The following WDPCP variants were observed in gnomAD, a reference collection of about 807,000 sequenced individuals.
The protein encoded by WDPCP is WD repeat containing planar cell polarity effector.
WDPCP carries 71 observed loss-of-function variants against 93.1 expected under a neutral mutation model. The ratio of observed to expected loss-of-function variants is 0.76; its 90% CI spans 0.63 to 0.93. The LOEUF is 0.93. WDPCP is among the 40% of genes least tolerant of loss of function. WDPCP has a pLI of 0.00. For missense variants in WDPCP, 844 were observed against 887.4 expected (o/e 0.95, Z 0.62); for synonymous variants, 315 against 315.0 (o/e 1.00, Z 0.00).
At chr2:63,825,303 T>G (rs956873393) in intron 1 of WDPCP, among the ~76,000 whole-genome samples, 1 of 152,142 alleles carries the variant, frequency 6.6e-6, no homozygotes, top group Non-Finnish European at 1.5e-5. Flanking sequence ...GGCTCTTATC[T>G]TCTGACTTAG....
chr2:63,346,021 C>A lies in WDPCP; in HGVS notation c.1748+32365G>T, dbSNP rs567168028. Among the ~76,000 whole-genome samples, 6 of 152,202 alleles carry A rather than the reference C, an allele frequency of 3.9e-5. No homozygotes were observed. The South Asian group carries it at 1.2e-3, about 32-fold the overall frequency. On this transcript the variant is annotated intron_variant, in intron 12 of 17. Coordinates refer to ENST00000272321, the MANE Select transcript of WDPCP (RefSeq NM_015910.7). ...CCAGCAAAAATAGGGGAGCACCTCT[C>A]GGATTGGATTAAGAGGATGCTTGAA...
intron 9 of WDPCP, among the ~76,000 whole-genome samples, chr2:63,429,254 T>C (rs1352008784): frequency 6.6e-6 from 1 of 152,110 alleles, no homozygotes; most frequent in East Asian, 1.9e-4. Flanking sequence ...CAAGGAAACC[T>C]AGGAAACACC....
intron 3 of WDPCP, among the ~76,000 whole-genome samples, chr2:63,633,712 A>G (rs539601837): frequency 1.3e-5 from 2 of 152,318 alleles, no homozygotes; most frequent in African/African-American, 4.8e-5. Context: ...CCAGAAAACA[A>G]TTAACAAGAT....
chr2:63,733,642 A>C (rs945520861), intron 2 of WDPCP, among the ~76,000 whole-genome samples: 3 of 152,216 alleles, frequency 2.0e-5, no homozygotes, highest in Non-Finnish European at 4.4e-5. Flanking sequence ...TGTGTTGAAG[A>C]CTGGGATTGC....
intron 17 of WDPCP, among the ~76,000 whole-genome samples, chr2:63,134,077 CGTT>C (rs1469900615): frequency 6.6e-6 from 1 of 152,100 alleles, no homozygotes; most frequent in Non-Finnish European, 1.5e-5. Context: ...GTTTTCTAAT[CGTT>C]GTTTCCTCTG....
At chr2:63,320,891 T>A (rs748738969) in intron 12 of WDPCP, among the ~76,000 whole-genome samples, 5 of 152,102 alleles carry the variant, frequency 3.3e-5, no homozygotes, top group Non-Finnish European at 5.9e-5. Context: ...AGACAAAGAC[T>A]GTCATAAAAG....
chr2:63,699,571 C>T (rs1450266109), intron 2 of WDPCP, among the ~76,000 whole-genome samples: 1 of 152,048 alleles, frequency 6.6e-6, no homozygotes, highest in African/African-American at 2.4e-5. Context: ...CTGATTTTGA[C>T]AGGGAGATAT....
chr2:63,213,416 T>G (rs1341208791), intron 14 of WDPCP, among the ~76,000 whole-genome samples: 1 of 152,214 alleles, frequency 6.6e-6, no homozygotes, highest in African/African-American at 2.4e-5. Context: ...AGATGTTCTT[T>G]GAAACCAATG....
chr2:63,491,206 T>C (rs1325624920), intron 2 of WDPCP, among the ~76,000 whole-genome samples: 2 of 152,208 alleles, frequency 1.3e-5, no homozygotes, highest in Non-Finnish European at 2.9e-5. Context: ...GTCTCTGTTG[T>C]ACTTTTTTCC....
At chr2:63,328,141 A>G (rs975267459) in intron 12 of WDPCP, among the ~76,000 whole-genome samples, 1 of 152,150 alleles carries the variant, frequency 6.6e-6, no homozygotes, top group African/African-American at 2.4e-5. Flanking sequence ...TGCACCAACC[A>G]GCACTCTGTG....
chr2:63,135,416 C>T (rs1215682600), intron 17 of WDPCP, among the ~76,000 whole-genome samples: 2 of 152,168 alleles, frequency 1.3e-5, no homozygotes, highest in African/African-American at 2.4e-5. Context: ...ACTGCCACCT[C>T]GGCCTCCCGG....
chr2:63,748,078 G>C (rs186489352), intron 2 of WDPCP, among the ~76,000 whole-genome samples: 29 of 151,850 alleles, frequency 1.9e-4, no homozygotes, highest in Admixed American at 1.5e-3. Flanking sequence ...ATATAGAAAT[G>C]AAATAGAGTT....
chr2:63,290,231 C>A lies in WDPCP; in HGVS notation c.1812+23017G>T, dbSNP rs1684305004. ...CTTTTGACTTTTTAAAGCAACATAC[C>A]TATTTACATTTTTTTTAAAATCCTC... On this transcript the variant is annotated intron_variant, in intron 13 of 17. Coordinates refer to ENST00000272321, the MANE Select transcript of WDPCP (RefSeq NM_015910.7). 3.3e-5 allele frequency among the ~76,000 whole-genome samples: 5 copies of A among 151,910 alleles called. No individual in the cohort carries two copies. The South Asian group carries it at 1.0e-3, about 32-fold the overall frequency.
At chr2:63,525,653 C>A (rs1444527481) in intron 1 of WDPCP, among the ~76,000 whole-genome samples, 1 of 152,084 alleles carries the variant, frequency 6.6e-6, no homozygotes, top group Non-Finnish European at 1.5e-5. Context: ...AAATGAAGGT[C>A]TAAGTTGATG....
chr2:63,563,102 C>A (rs1706756958), intron 1 of WDPCP, among the ~76,000 whole-genome samples: 1 of 152,068 alleles, frequency 6.6e-6, no homozygotes, highest in East Asian at 1.9e-4. Flanking sequence ...GGTGCAATGA[C>A]TGAAAGGATT....
intron 2 of WDPCP, among the ~76,000 whole-genome samples, chr2:63,729,114 C>A (rs963065088): frequency 1.8e-4 from 28 of 152,108 alleles, no homozygotes; most frequent in African/African-American, 5.8e-4. Flanking sequence ...CCATATGTCA[C>A]TGAATAAAAT....
chr2:63,444,254 T>C (rs1272317267), intron 6 of WDPCP, among the ~76,000 whole-genome samples: 1 of 152,150 alleles, frequency 6.6e-6, no homozygotes, highest in Non-Finnish European at 1.5e-5. Flanking sequence ...CCAAATGTCC[T>C]ATGGACTAGA....
At chr2:63,275,672 A>C (rs138480620) in intron 13 of WDPCP, among the ~76,000 whole-genome samples, 27 of 152,340 alleles carry the variant, frequency 1.8e-4, no homozygotes, top group South Asian at 6.2e-4. Context: ...AGAAATGTTT[A>C]ACCAAGAAGG....
chr2:63,565,220 T>G (rs532939506), intron 1 of WDPCP, among the ~76,000 whole-genome samples: 7 of 152,334 alleles, frequency 4.6e-5, no homozygotes, highest in African/African-American at 9.6e-5. Flanking sequence ...ATTTTCAACC[T>G]TCAAAGCTTG....
Sources: gnomAD v4.1 joint callset for allele counts (sites outside exome capture counted in the v4.1 genomes callset) on GRCh38, gnomAD v4.1.1 for gene constraint, MANE v1.5 for transcripts, NCBI Gene and HGNC (gene_info 2026-07-23, HGNC 2026-07-21) for gene names.